CYP4F8: variants seen among roughly 807,000 people sequenced by gnomAD.
CYP4F8 encodes cytochrome P450 4F8.
CYP4F8 carries 56 observed loss-of-function variants against 55.0 expected under a neutral mutation model. That is an observed-to-expected ratio of 1.02 (90% CI 0.82 to 1.27). The LOEUF (loss-of-function observed/expected upper bound fraction) is 1.27, where lower values mean the gene tolerates loss of function less well. Among genes scored for constraint, CYP4F8 ranks in the 50% most tolerant of loss-of-function variants. CYP4F8 has a pLI of 0.00. For synonymous variants in CYP4F8, 288 were observed against 267.3 expected (o/e 1.08, Z -0.76); for missense variants, 680 against 682.4 (o/e 1.00, Z 0.04).
chr19:15,627,457 G>C (rs1490942793), intron 9 of CYP4F8: 1 of 144,654 alleles, frequency 6.9e-6, no homozygotes, highest in Non-Finnish European at 1.5e-5. Context: ...CTGGGTGACA[G>C]AGTGAGAATC....
intron 9 of CYP4F8, 61 bp from the exon 10 acceptor site, chr19:15,628,240 GT>G (rs1442213147): frequency 1.2e-6 from 2 of 1,608,734 alleles, no homozygotes. Context: ...TGGTGAGAGG[GT>G]CTCCAGGGGC....
intron 9 of CYP4F8, 116 bp downstream of exon 9, chr19:15,624,210 C>T: frequency 3.3e-6 from 5 of 1,499,244 alleles, no homozygotes; most frequent in Non-Finnish European, 4.5e-6. Context: ...CCATTGTTGC[C>T]TAGTGGGAAT....
rs372626272 is a variant in CYP4F8, at chr19:15,622,238, C to A, written c.545C>A (p.Ala182Asp). Reference protein sequence around the residue: ...NIMHAKWQRLAMEGSTCLDVF... With the variant: ...NIMHAKWQRLDMEGSTCLDVF... ...GGCCAGGCCAAGTGGCAACGCCTGGCCATGGAGGGCAGCACCTGTCTGGAT... is the reference window on the plus strand; with the variant it reads ...GGCCAGGCCAAGTGGCAACGCCTGGACATGGAGGGCAGCACCTGTCTGGAT... The change falls in exon 6 of 13, where the codon GCC becomes GAC. Residue 182 changes from alanine to aspartate, a missense_variant. Coordinates refer to ENST00000612078, the MANE Select transcript of CYP4F8 (RefSeq NM_007253.4). 11 of 1,613,344 alleles carry A rather than the reference C, an allele frequency of 6.8e-6. No homozygotes were observed. In the African/African-American group the frequency reaches 1.3e-4, roughly 20 times the overall value.
chr19:15,619,899 G>C, intron 5 of CYP4F8, 137 bp downstream of exon 5: 2 of 1,163,430 alleles, frequency 1.7e-6, no homozygotes, highest in Non-Finnish European at 2.4e-6. Flanking sequence ...TTCCCCATGA[G>C]GCTAATAATC....
Position 15,619,673 on chromosome 19 carries a change from C to A in CYP4F8, c.436C>A (p.His146Asn). Residue 146 changes from histidine to asparagine, a missense_variant, in exon 5 of 13, where the codon CAC becomes AAC. By Grantham distance (68) the His-to-Asn change is moderately conservative. Transcript: ENST00000612078. ...LLLSVGDKWR[H>N]HRRLLTPAFH... ...GTTAAGTGTTGGTGACAAGTGGAGA[C>A]ACCACCGTCGCTTGCTGACGCCTGC... The A allele has an allele frequency of 6.2e-7, 1 of 1,614,224 alleles. No individual in the cohort carries two copies. The highest frequency in any genetic ancestry group is 8.5e-7 in the Non-Finnish European group (1 of 1,180,034).
chr19:15,626,774 T>G (rs1972268767), intron 9 of CYP4F8, among the ~76,000 whole-genome samples: 1 of 152,222 alleles, frequency 6.6e-6, no homozygotes, highest in Non-Finnish European at 1.5e-5. Flanking sequence ...TTTAAGCTTT[T>G]GGGGTTTTAA....
intron 9 of CYP4F8, among the ~76,000 whole-genome samples, chr19:15,624,366 T>C (rs1344527455): frequency 3.3e-5 from 5 of 152,124 alleles, no homozygotes; most frequent in Admixed American, 6.5e-5. Flanking sequence ...CTTTTCTCCT[T>C]TGTAAATTGG....
chr19:15,624,476 T>C (rs1442071146), intron 9 of CYP4F8, among the ~76,000 whole-genome samples: 1 of 152,214 alleles, frequency 6.6e-6, no homozygotes, highest in Non-Finnish European at 1.5e-5. Context: ...TATCAAAACA[T>C]TCTCTTATCA....
intron 9 of CYP4F8, 111 bp downstream of exon 9, chr19:15,624,205 G>A: frequency 6.6e-7 from 1 of 1,506,838 alleles, no homozygotes; most frequent in Non-Finnish European, 8.9e-7. Context: ...TTCTGCCATT[G>A]TTGCCTAGTG....
At chr19:15,621,066 A>C (rs1186878312) in intron 5 of CYP4F8, among the ~76,000 whole-genome samples, 1 of 152,146 alleles carries the variant, frequency 6.6e-6, no homozygotes, top group African/African-American at 2.4e-5. Context: ...TGGGGTGATA[A>C]GGTGGGCTTC....
intron 2 of CYP4F8, among the ~76,000 whole-genome samples, chr19:15,616,585 G>A (rs1173782075): frequency 1.3e-5 from 2 of 152,094 alleles, no homozygotes; most frequent in Non-Finnish European, 2.9e-5. Context: ...TCTCTGGGCT[G>A]GAGTTTTCCC....
intron 10 of CYP4F8, 29 bp downstream of exon 10, chr19:15,628,464 C>T (rs2056820): frequency 0.51 from 816,062 of 1,613,274 alleles, 211,139 homozygotes; most frequent in Non-Finnish European, 0.54. Context: ...GAGGAGGGTC[C>T]TGGGCAGGGC....
rs758261640 is a variant in CYP4F8 at position 15,623,743 on chromosome 19, A to C, written c.963A>C (p.Glu321Asp). 1.9e-6 allele frequency: 3 copies of C among 1,614,006 alleles called. No homozygotes were observed. The South Asian group carries it at 3.3e-5, about 18-fold the overall frequency. The change falls in exon 8 of 13, where the codon GAA (glutamate) becomes GAC (aspartate). Residue 321 changes from glutamate (E) to aspartate (D), a missense_variant. Transcript: ENST00000612078. Reference protein sequence around the residue: ...KELSDEDIRAEADTFMFGGHD... With the variant: ...KELSDEDIRADADTFMFGGHD... ...TGTCAGATGAGGACATAAGAGCAGAAGCTGACACTTTCATGTTTGGAGGTG... is the reference window on the plus strand; with the variant it reads ...TGTCAGATGAGGACATAAGAGCAGACGCTGACACTTTCATGTTTGGAGGTG...
At position 15,616,172 on chromosome 19, in the gene CYP4F8, C is replaced by CCACTCACTCATTCCTCTCCT. The variant is rs1418026658; in HGVS notation, c.198+402_198+421dup. 6.8e-4 allele frequency among the ~76,000 whole-genome samples: 78 copies of CCACTCACTCATTCCTCTCCT among 113,880 alleles called. 3 individuals carry two copies. In the East Asian group the frequency reaches 0.02, roughly 29 times the overall value. 74.7% of individuals were successfully genotyped at this position (113,880 alleles called of 152,430 possible). A position where few individuals can be genotyped will look rare whatever the true frequency, so the allele number is the denominator to read the frequency against. On this transcript the variant is annotated intron_variant, in intron 2 of 12. Transcript: ENST00000612078. ...TCTCCTCACTCACTCATTCCTCTTC[C>CCACTCACTCATTCCTCTCCT]CACTCACTCATTCCTCTCCTCACTC...
rs1387531407 is a variant in CYP4F8 at position 15,629,467 on chromosome 19, G to T, written c.*109G>T. The T allele has an allele frequency of 1.4e-6, 2 of 1,394,820 alleles. No individual in the cohort carries two copies. The highest frequency in any genetic ancestry group is 1.9e-6 in the Non-Finnish European group (2 of 1,061,732). The allele number at this position is 1,394,820 out of a possible 1,614,324, so 86.4% of individuals were successfully genotyped here. A position where few individuals can be genotyped will look rare whatever the true frequency, so the allele number is the denominator to read the frequency against. On this transcript the variant is annotated 3_prime_UTR_variant, in exon 13 of 13. Transcript: ENST00000612078. ...GTTGGCCCCTGTGCCTCAGTCCCGC[G>T]GATGGCCAGTAGGGGGCGCTGGAGG... is the stretch of plus-strand genomic sequence containing the variant.
rs1226646444 is a variant in CYP4F8, at chr19:15,629,337, G to A, written c.1542G>A (p.Leu514=). ...IVLRAEDGLW[L]RVEPLG is the part of the protein sequence containing the mutation. Reference sequence around the variant, plus strand: ...TGCGTGCGGAGGACGGACTTTGGCTGCGAGTAGAACCCCTGGGCTGAGGCC... The same window carrying A: ...TGCGTGCGGAGGACGGACTTTGGCTACGAGTAGAACCCCTGGGCTGAGGCC... Residue 514 remains leucine (L), a synonymous_variant, in exon 13 of 13, where the codon CTG becomes CTA. Coordinates refer to ENST00000612078, the MANE Select transcript of CYP4F8 (RefSeq NM_007253.4). 1 of 1,611,284 alleles carries A rather than the reference G, an allele frequency of 6.2e-7. No homozygotes were observed. The highest frequency in any genetic ancestry group is 8.5e-7 in the Non-Finnish European group (1 of 1,178,564).
intron 5 of CYP4F8, 49 bp from the exon 6 acceptor site, chr19:15,622,170 C>T: frequency 6.3e-7 from 1 of 1,579,118 alleles, no homozygotes; most frequent in Non-Finnish European, 8.6e-7. Context: ...TGCAGGGGGA[C>T]TCAGAGGAGC....
At chr19:15,628,919 G>A (rs1459516781) in intron 12 of CYP4F8, 76 bp downstream of exon 12, 4 of 1,451,596 alleles carry the variant, frequency 2.8e-6, no homozygotes, top group Non-Finnish European at 3.7e-6. Flanking sequence ...TGCCTGACTT[G>A]TAGGACCACG....
At chr19:15,619,327 T>C in intron 3 of CYP4F8, 163 bp from the exon 4 acceptor site, 4 of 705,904 alleles carry the variant, frequency 5.7e-6, no homozygotes, top group Non-Finnish European at 9.3e-6. Context: ...TCCGGTCCCC[T>C]TTATGCCCCC....
Sources: allele counts gnomAD v4.1 joint callset (sites outside exome capture counted in the v4.1 genomes callset), GRCh38; gene constraint gnomAD v4.1.1; transcripts MANE v1.5; gene names NCBI Gene and HGNC (gene_info 2026-07-23, HGNC 2026-07-21).